The following UPRT variants were observed in gnomAD, a reference collection of about 807,000 sequenced individuals.
UPRT encodes the protein RP11-311P8.3.
In UPRT, 5 loss-of-function variants were observed where a neutral mutation model predicts 22.6. That is an observed-to-expected ratio of 0.22 (90% CI 0.12 to 0.47). The LOEUF is 0.47. UPRT is among the 20% of genes least tolerant of loss of function. UPRT has a pLI of 0.99. For synonymous variants in UPRT, 77 were observed against 87.7 expected, an observed-to-expected ratio of 0.88 and a Z score of 0.68; for missense variants, 181 against 239.9, an observed-to-expected ratio of 0.75 and a Z score of 1.62.
chrX:75,237,619 T>C (rs2082472290), intron 4 of UPRT, among the ~76,000 whole-genome samples: 1 of 109,514 alleles, frequency 9.1e-6, no homozygotes, highest in South Asian at 4.1e-4. Context: ...TATGCAGCCA[T>C]AAAAAATGAT....
At chrX:75,196,846 C>CA (rs1414484900) in intron 4 of UPRT, among the ~76,000 whole-genome samples, 1 of 109,703 alleles carries the variant, frequency 9.1e-6, no homozygotes, top group East Asian at 2.8e-4. Flanking sequence ...GACTCTTTCT[C>CA]AAAAAAAGAT....
intron 4 of UPRT, among the ~76,000 whole-genome samples, chrX:75,195,526 G>C (rs2082330340): frequency 8.9e-6 from 1 of 112,228 alleles, no homozygotes; most frequent in African/African-American, 3.2e-5. Context: ...GCACCAGCCA[G>C]AGTTCTGCCC....
upstream of UPRT, among the ~76,000 whole-genome samples, chrX:75,270,519 T>G (rs901908686): frequency 1.8e-5 from 2 of 111,933 alleles, no homozygotes; most frequent in African/African-American, 6.5e-5. Context: ...TGCCCATCAA[T>G]TTTAGACTGG....
chrX:75,174,946 C>G lies in UPRT; in HGVS notation c.-447+7067C>G, dbSNP rs904380822. ...TCTCTCTTTTTAACTCTCTCTTTGA[C>G]TTTCTGTGTCTGTCCCTCTTTCTCT... On this transcript the variant is annotated intron_variant, in intron 4 of 13. Coordinates refer to the UPRT transcript ENST00000652605. Among the ~76,000 whole-genome samples the G allele has an allele frequency of 5.4e-5, 6 of 110,533 alleles. No individual in the cohort carries two copies. The South Asian group carries it at 1.6e-3, about 29-fold the overall frequency.
At chrX:75,293,328 T>A (rs951600158) in intron 1 of UPRT, 144 bp from the exon 2 acceptor site, 4 of 441,303 alleles carry the variant, frequency 9.1e-6, no homozygotes, top group African/African-American at 2.5e-5. Flanking sequence ...GTAAAAAGTA[T>A]CTTGCCTCAG....
At chrX:75,246,866 T>G (rs1230351858) in intron 4 of UPRT, among the ~76,000 whole-genome samples, 5 of 112,190 alleles carry the variant, frequency 4.5e-5, no homozygotes, top group Non-Finnish European at 3.8e-5. Context: ...ATGATGAGCA[T>G]TTTTTCATGT....
intron 1 of UPRT, among the ~76,000 whole-genome samples, chrX:75,284,102 A>C (rs1179224575): frequency 9.0e-6 from 1 of 111,533 alleles, no homozygotes; most frequent in Non-Finnish European, 1.9e-5. Context: ...GACTGTCCAG[A>C]ACATTTCCCA....
intron 3 of UPRT, among the ~76,000 whole-genome samples, chrX:75,167,171 AT>A (rs2082215378): frequency 9.0e-6 from 1 of 111,582 alleles, no homozygotes; most frequent in Non-Finnish European, 1.9e-5. Context: ...TTCAATTTGT[AT>A]TTTCTTTTTG....
At chrX:75,235,278 C>A (rs2082457448) in intron 4 of UPRT, among the ~76,000 whole-genome samples, 3 of 111,399 alleles carry the variant, frequency 2.7e-5, no homozygotes, top group African/African-American at 9.8e-5. Flanking sequence ...CAGGCTCTGA[C>A]ATTGAGGCAA....
intron 4 of UPRT, among the ~76,000 whole-genome samples, chrX:75,188,354 C>T (rs1041029113): frequency 8.9e-5 from 10 of 111,777 alleles, no homozygotes; most frequent in African/African-American, 2.9e-4. Context: ...GGGTCAGGGA[C>T]CCACCTGAGG....
At position 75,196,854 on chromosome X, in the gene UPRT, GATA is replaced by G. The variant is rs758851671; in HGVS notation, c.-447+28995_-447+28997del. On this transcript the variant is annotated intron_variant, in intron 4 of 13. Transcript: ENST00000652605. ...AAAGTGAGACTCTTTCTCAAAAAAA[GATA>G]ATAATAATAATAATAATAAAAGTGA... is the stretch of plus-strand genomic sequence containing the variant. 1.2e-3 allele frequency among the ~76,000 whole-genome samples: 128 copies of G among 110,414 alleles called. 1 individual carries two copies. The highest frequency in any genetic ancestry group is 4.6e-3 in the Middle Eastern group (1 of 216).
At chrX:75,212,817 T>A (rs1189035424) in intron 4 of UPRT, among the ~76,000 whole-genome samples, 2 of 111,324 alleles carry the variant, frequency 1.8e-5, no homozygotes, top group Non-Finnish European at 3.8e-5. Context: ...AACATCAGGG[T>A]AAATAGCTAA....
chrX:75,181,046 G>A (rs2082268761), intron 4 of UPRT, among the ~76,000 whole-genome samples: 1 of 110,791 alleles, frequency 9.0e-6, no homozygotes, highest in African/African-American at 3.3e-5. Flanking sequence ...GTTTAAGAAA[G>A]GGGTTCAGTT....
intron 4 of UPRT, among the ~76,000 whole-genome samples, chrX:75,244,463 A>C (rs1031847957): frequency 1.8e-5 from 2 of 111,970 alleles, no homozygotes; most frequent in Admixed American, 1.9e-4. Flanking sequence ...ACCCAAGGCA[A>C]TCTTAAGCAA....
intron 4 of UPRT, among the ~76,000 whole-genome samples, chrX:75,206,913 C>T (rs2082368725): frequency 1.8e-5 from 2 of 112,382 alleles, no homozygotes; most frequent in Non-Finnish European, 1.9e-5. Context: ...ATCTGCCCGC[C>T]TTGGCCTCCC....
chrX:75,168,584 C>T (rs1569257296), intron 4 of UPRT, among the ~76,000 whole-genome samples: 1 of 111,181 alleles, frequency 9.0e-6, no homozygotes, highest in Non-Finnish European at 1.9e-5. Flanking sequence ...GGCTGGAGTG[C>T]AGTGGCACGA....
exon 1 of UPRT, chrX:75,156,393 C>G: frequency 1.2e-6 from 1 of 839,074 alleles, no homozygotes. Context: ...GAAATGGATT[C>G]TGTTTGAAGA....
At chrX:75,224,209 C>A (rs1382896952) in intron 4 of UPRT, among the ~76,000 whole-genome samples, 3 of 111,373 alleles carry the variant, frequency 2.7e-5, no homozygotes, top group East Asian at 5.6e-4. Flanking sequence ...ATTATAATGG[C>A]TAATTTGCAA....
chrX:75,245,785 C>G (rs2082503348), intron 4 of UPRT, among the ~76,000 whole-genome samples: 1 of 111,064 alleles, frequency 9.0e-6, no homozygotes, highest in Non-Finnish European at 1.9e-5. Flanking sequence ...ACATGGGGGC[C>G]TACTTGTGGG....
Sources: gnomAD v4.1 joint callset for allele counts (sites outside exome capture counted in the v4.1 genomes callset) on GRCh38, gnomAD v4.1.1 for gene constraint, MANE v1.5 for transcripts, NCBI Gene and HGNC (gene_info 2026-07-23, HGNC 2026-07-21) for gene names.